AOX1: variants seen among roughly 807,000 people sequenced by gnomAD.
AOX1 encodes aldehyde oxidase 1.
AOX1 carries 153 observed loss-of-function variants against 169.5 expected under a neutral mutation model. The ratio of observed to expected loss-of-function variants is 0.90; its 90% CI spans 0.79 to 1.03. The LOEUF (loss-of-function observed/expected upper bound fraction) is 1.03. Among genes scored for constraint, AOX1 ranks in the 50% least tolerant of loss-of-function variants. AOX1 has a pLI of 0.00. For synonymous variants in AOX1, 562 were observed against 581.9 expected (o/e 0.97, Z 0.49); for missense variants, 1,656 against 1,663.9 (o/e 1.00, Z 0.08).
chr2:200,624,380 G>T (rs1347720472), intron 19 of AOX1, among the ~76,000 whole-genome samples: 2 of 152,176 alleles, frequency 1.3e-5, no homozygotes, highest in Non-Finnish European at 2.9e-5. Flanking sequence ...AGGAGCTGTT[G>T]GTTACTTCTA....
At position 200,668,803 on chromosome 2, in the gene AOX1, G is replaced by C. The variant is rs2035973441; in HGVS notation, c.3798G>C (p.Lys1266Asn). ...ACTCAAATACTCTTTATTCATCTAA[G>C]GTAAGTAATGTTCTATGGGTAAATA... ...SQNSNTLYSS[K>N]GLGESGVFLG... is the part of the protein sequence containing the mutation. Residue 1266 changes from lysine to asparagine, a missense_variant and splice_region_variant, in exon 33 of 35, where the codon AAG becomes AAC. Coordinates refer to ENST00000374700, the MANE Select transcript of AOX1 (RefSeq NM_001159.4). 6.2e-7 allele frequency: 1 copy of C among 1,613,352 alleles called. No individual in the cohort carries two copies. The highest frequency in any genetic ancestry group is 8.5e-7 in the Non-Finnish European group (1 of 1,179,550).
At chr2:200,634,766 A>C in intron 20 of AOX1, 25 bp from the exon 21 acceptor site, 1 of 1,613,240 alleles carries the variant, frequency 6.2e-7, no homozygotes, top group Non-Finnish European at 8.5e-7. Context: ...TGCTTCCTTG[A>C]CTTTTATGTA....
intron 25 of AOX1, among the ~76,000 whole-genome samples, chr2:200,648,962 G>C (rs1303527038): frequency 2.0e-5 from 3 of 152,120 alleles, no homozygotes; most frequent in Admixed American, 6.5e-5. Context: ...CCCTGAGTTT[G>C]TTTGCAGGCA....
chr2:200,606,148 A>G (rs1332605166), intron 10 of AOX1, among the ~76,000 whole-genome samples: 1 of 152,098 alleles, frequency 6.6e-6, no homozygotes, highest in East Asian at 1.9e-4. Context: ...ATCCATCTTG[A>G]GTTAATTTTT....
intron 25 of AOX1, among the ~76,000 whole-genome samples, chr2:200,643,388 C>T (rs986634951): frequency 2.2e-5 from 3 of 139,382 alleles, no homozygotes; most frequent in South Asian, 4.8e-4. Flanking sequence ...TATATATATA[C>T]ACACACACAC....
At chr2:200,623,094 A>C (rs1574930691) in intron 18 of AOX1, among the ~76,000 whole-genome samples, 1 of 152,198 alleles carries the variant, frequency 6.6e-6, no homozygotes, top group East Asian at 1.9e-4. Context: ...GTTCAAAGTC[A>C]ATTTTTAAAA....
chr2:200,655,896 G>T (rs554777844), intron 26 of AOX1, among the ~76,000 whole-genome samples: 1 of 152,238 alleles, frequency 6.6e-6, no homozygotes, highest in East Asian at 1.9e-4. Flanking sequence ...AATGACCAGG[G>T]TTGCTTACAA....
intron 29 of AOX1, among the ~76,000 whole-genome samples, chr2:200,660,474 ACT>A (rs1226333190): frequency 6.6e-6 from 1 of 152,104 alleles, no homozygotes; most frequent in Non-Finnish European, 1.5e-5. Context: ...TCATATAAGC[ACT>A]CGTTTAGAAA....
intron 16 of AOX1, among the ~76,000 whole-genome samples, chr2:200,618,030 G>A (rs545898500): frequency 3.0e-4 from 45 of 152,252 alleles, no homozygotes; most frequent in African/African-American, 1.1e-3. Context: ...CGTCAATAGA[G>A]CTGGAGTGTT....
chr2:200,668,771 T>C lies in AOX1; in HGVS notation c.3766T>C (p.Ser1256Pro). ...TELHIALLPP[S>P]QNSNTLYSSK... ...GTTGCACATTGCTTTGTTGCCTCCT[T>C]CTCAAAACTCAAATACTCTTTATTC... is the stretch of plus-strand genomic sequence containing the variant. Residue 1256 changes from serine (S) to proline (P), a missense_variant, in exon 33 of 35, where the codon TCT becomes CCT. Transcript: ENST00000374700. The C allele has an allele frequency of 6.2e-7, 1 of 1,614,130 alleles. No homozygotes were observed. The highest frequency in any genetic ancestry group is 8.5e-7 in the Non-Finnish European group (1 of 1,180,008).
At chr2:200,662,754 T>G in intron 30 of AOX1, 101 bp from the exon 31 acceptor site, 2 of 833,516 alleles carry the variant, frequency 2.4e-6, no homozygotes, top group Non-Finnish European at 4.2e-6. Flanking sequence ...TAGGTACAGG[T>G]ATATTCCTGT....
At chr2:200,591,656 G>A (rs1271396166) in intron 1 of AOX1, among the ~76,000 whole-genome samples, 1 of 152,124 alleles carries the variant, frequency 6.6e-6, no homozygotes, top group Admixed American at 6.5e-5. Flanking sequence ...TTCCATAGCG[G>A]TTTCATTTTA....
downstream of AOX1, among the ~76,000 whole-genome samples, chr2:200,681,188 T>A (rs1194421308): frequency 1.3e-5 from 2 of 152,156 alleles, no homozygotes; most frequent in African/African-American, 2.4e-5. Flanking sequence ...AATGGAGTTT[T>A]TTTCCAGAAA....
intron 16 of AOX1, among the ~76,000 whole-genome samples, chr2:200,616,355 C>T (rs778121947): frequency 6.6e-6 from 1 of 152,228 alleles, no homozygotes; most frequent in South Asian, 2.1e-4. Flanking sequence ...CACCTTGTCA[C>T]GTGTTTTCTG....
chr2:200,634,729 T>G, intron 20 of AOX1, 62 bp from the exon 21 acceptor site: 1 of 1,600,712 alleles, frequency 6.2e-7, no homozygotes, highest in Admixed American at 1.7e-5. Context: ...GGATAATACC[T>G]GGGGGACGCT....
chr2:200,643,115 G>A lies in AOX1; in HGVS notation c.2847+314G>A, dbSNP rs116478484. Among the ~76,000 whole-genome samples the A allele has an allele frequency of 2.2e-3, 337 of 151,382 alleles. 2 individuals are homozygous for A. Among genetic ancestry groups the A allele is most frequent in the African/African-American group, 7.7e-3 (319 of 41,274 alleles). Reference sequence around the variant, plus strand: ...AATTCCATCAAGGCCCTCATTCCCCGCTTCCTGAACATCTCAGCCAGCTGT... The same window carrying A: ...AATTCCATCAAGGCCCTCATTCCCCACTTCCTGAACATCTCAGCCAGCTGT... On this transcript the variant is annotated intron_variant, in intron 25 of 34. Transcript: ENST00000374700.
intron 25 of AOX1, among the ~76,000 whole-genome samples, chr2:200,650,382 T>A (rs1248226162): frequency 6.6e-6 from 1 of 152,212 alleles, no homozygotes; most frequent in African/African-American, 2.4e-5. Context: ...CCACAAGTGC[T>A]ATGAGTTTTC....
At chr2:200,644,851 G>A (rs1463991168) in intron 25 of AOX1, among the ~76,000 whole-genome samples, 10 of 151,974 alleles carry the variant, frequency 6.6e-5, no homozygotes, top group Admixed American at 4.6e-4. Flanking sequence ...CTGCTTGGTC[G>A]CCATTGGTGT....
chr2:200,657,190 A>ATATTTTT, intron 27 of AOX1, among the ~76,000 whole-genome samples: 13 of 62,876 alleles, frequency 2.1e-4, no homozygotes, highest in East Asian at 9.1e-4. Flanking sequence ...ATATATATAT[A>ATATTTTT]TTTTTTTTTT....
Sources: gnomAD v4.1 joint callset for allele counts (sites outside exome capture counted in the v4.1 genomes callset) on GRCh38, gnomAD v4.1.1 for gene constraint, MANE v1.5 for transcripts, NCBI Gene and HGNC (gene_info 2026-07-23, HGNC 2026-07-21) for gene names.